Variants in ROBO2 observed in about 807,000 individuals in gnomAD.
The protein encoded by ROBO2 is roundabout homolog 2.
In ROBO2, 53 loss-of-function variants were observed where a neutral mutation model predicts 160.8. The observed-to-expected ratio is 0.33, with a 90% confidence interval of 0.26 to 0.41. The LOEUF is 0.41. Ranked by LOEUF, ROBO2 falls within the 10% of genes least tolerant of loss-of-function variation. ROBO2 has a pLI of 1.00. For synonymous variants in ROBO2, 664 were observed against 611.7 expected (o/e 1.09, Z -1.26); for missense variants, 1,577 against 1,722.4 (o/e 0.92, Z 1.49).
At chr3:76,171,962 T>G (rs2073055481) in intron 2 of ROBO2, among the ~76,000 whole-genome samples, 2 of 152,080 alleles carry the variant, frequency 1.3e-5, no homozygotes, top group South Asian at 4.1e-4. Flanking sequence ...AAGCTGTACT[T>G]GTAAAGAACA....
At chr3:76,683,876 A>C (rs1481335895) in intron 2 of ROBO2, among the ~76,000 whole-genome samples, 1 of 152,162 alleles carries the variant, frequency 6.6e-6, no homozygotes, top group East Asian at 1.9e-4. Flanking sequence ...TTGAACTTTA[A>C]AACTTCTAAT....
At chr3:76,012,390 A>G (rs902186843) in intron 2 of ROBO2, among the ~76,000 whole-genome samples, 26 of 152,316 alleles carry the variant, frequency 1.7e-4, no homozygotes, top group African/African-American at 5.8e-4. Flanking sequence ...TACAAAATAA[A>G]ACACTTTTTA....
intron 2 of ROBO2, among the ~76,000 whole-genome samples, chr3:76,902,116 T>G (rs1216676732): frequency 6.6e-6 from 1 of 152,080 alleles, no homozygotes; most frequent in Non-Finnish European, 1.5e-5. Flanking sequence ...CTAGATTAAA[T>G]TCATTCTTAT....
intron 4 of ROBO2, among the ~76,000 whole-genome samples, chr3:77,484,509 A>G (rs2085097667): frequency 1.3e-4 from 1 of 7,528 alleles, no homozygotes; most frequent in Non-Finnish European, 2.2e-4. Flanking sequence ...CCCAACACAA[A>G]CACACACACA....
chr3:76,555,416 A>G (rs1203529625), intron 2 of ROBO2, among the ~76,000 whole-genome samples: 1 of 56,696 alleles, frequency 1.8e-5, no homozygotes, highest in African/African-American at 3.0e-5. Context: ...AAGAAGAAGA[A>G]GAAAGAAGGA....
At chr3:77,549,444 C>T (rs1487030015) in intron 7 of ROBO2, among the ~76,000 whole-genome samples, 1 of 151,902 alleles carries the variant, frequency 6.6e-6, no homozygotes, top group Non-Finnish European at 1.5e-5. Flanking sequence ...AATTGTGTTT[C>T]TATGCATGAA....
chr3:75,999,090 T>C (rs1376999065), intron 2 of ROBO2, among the ~76,000 whole-genome samples: 2 of 152,212 alleles, frequency 1.3e-5, no homozygotes, highest in Non-Finnish European at 2.9e-5. Context: ...TCCTCTGCTT[T>C]CTAGCTGTGT....
chr3:76,396,680 C>G (rs1380585877), intron 2 of ROBO2, among the ~76,000 whole-genome samples: 6 of 152,112 alleles, frequency 3.9e-5, no homozygotes, highest in African/African-American at 4.8e-5. Context: ...GCACCAATAA[C>G]AGACAAACAG....
At chr3:77,518,789 C>A (rs1047912845) in intron 5 of ROBO2, among the ~76,000 whole-genome samples, 2 of 151,514 alleles carry the variant, frequency 1.3e-5, no homozygotes, top group African/African-American at 4.8e-5. Context: ...TGATAATGAG[C>A]ATCTACTAAT....
intron 2 of ROBO2, among the ~76,000 whole-genome samples, chr3:76,641,476 T>C (rs1172516715): frequency 9.2e-5 from 14 of 152,110 alleles, no homozygotes; most frequent in Admixed American, 9.2e-4. Flanking sequence ...TGACCACCTT[T>C]TTTCAAAAGT....
intron 2 of ROBO2, among the ~76,000 whole-genome samples, chr3:76,785,502 A>T (rs2062914929): frequency 6.6e-6 from 1 of 151,388 alleles, no homozygotes; most frequent in South Asian, 2.1e-4. Flanking sequence ...TTATCACATC[A>T]TATATGTTTG....
intron 2 of ROBO2, among the ~76,000 whole-genome samples, chr3:76,566,028 C>T (rs1379445132): frequency 6.6e-6 from 1 of 152,180 alleles, no homozygotes; most frequent in Non-Finnish European, 1.5e-5. Flanking sequence ...TGAGCATGTA[C>T]TTGGGGAGAA....
intron 2 of ROBO2, among the ~76,000 whole-genome samples, chr3:77,309,983 TAGAC>T (rs71104672): frequency 0.096 from 14,613 of 152,176 alleles, 911 homozygotes; most frequent in East Asian, 0.33. Flanking sequence ...AAGTGGTAGT[TAGAC>T]AGTAGCTCTT....
chr3:77,086,020 A>G (rs997852905), intron 1 of ROBO2, among the ~76,000 whole-genome samples: 1 of 152,130 alleles, frequency 6.6e-6, no homozygotes, highest in Admixed American at 6.6e-5. Context: ...GATGCTTCCT[A>G]TGCATTAATC....
At chr3:75,976,270 T>C (rs112588833) in intron 2 of ROBO2, among the ~76,000 whole-genome samples, 269 of 151,782 alleles carry the variant, frequency 1.8e-3, no homozygotes, top group African/African-American at 6.4e-3. Flanking sequence ...GTTAGCAGTA[T>C]TCAAAATAGC....
At chr3:76,837,263 T>C (rs2067786599) in intron 2 of ROBO2, among the ~76,000 whole-genome samples, 1 of 151,868 alleles carries the variant, frequency 6.6e-6, no homozygotes, top group Non-Finnish European at 1.5e-5. Flanking sequence ...TTTAGCTTTA[T>C]AAAATATTTG....
At position 77,338,652 on chromosome 3, in the gene ROBO2, C is replaced by T. The variant is rs191034609; in HGVS notation, c.389-138762C>T. On this transcript the variant is annotated intron_variant, in intron 2 of 25. Transcript: ENST00000461745. ...TGCAGTTATTGAATTAAAATATTGA[C>T]GTGAACATATTTTTCAAATATGCTT... Among the ~76,000 whole-genome samples, 46 of 152,066 alleles carry T rather than the reference C, an allele frequency of 3.0e-4. No homozygotes were observed. The East Asian group carries it at 6.4e-3, about 21-fold the overall frequency.
At chr3:76,059,082 C>T (rs1331897118) in intron 2 of ROBO2, among the ~76,000 whole-genome samples, 7 of 151,344 alleles carry the variant, frequency 4.6e-5, no homozygotes, top group African/African-American at 1.5e-4. Flanking sequence ...CAAGTCTTTG[C>T]TATTGTGAAT....
At chr3:76,538,656 TGAG>T (rs2082649737) in intron 2 of ROBO2, among the ~76,000 whole-genome samples, 1 of 152,312 alleles carries the variant, frequency 6.6e-6, no homozygotes, top group South Asian at 2.1e-4. Flanking sequence ...TGTGTGAAGC[TGAG>T]GTTTGATGTA....
Sources: gnomAD v4.1 joint callset for allele counts (sites outside exome capture counted in the v4.1 genomes callset) on GRCh38, gnomAD v4.1.1 for gene constraint, MANE v1.5 for transcripts, NCBI Gene and HGNC (gene_info 2026-07-23, HGNC 2026-07-21) for gene names.